Variants in C1orf52 observed in about 807,000 individuals in gnomAD.
C1orf52 encodes the protein UPF0690 protein C1orf52.
C1orf52 carries 5 observed loss-of-function variants against 17.2 expected under a neutral mutation model. That is an observed-to-expected ratio of 0.29 (90% CI 0.15 to 0.61). C1orf52 has a LOEUF of 0.61. C1orf52 is among the 20% of genes least tolerant of loss of function. C1orf52 has a pLI of 0.85. For synonymous variants in C1orf52, 110 were observed against 88.0 expected, an observed-to-expected ratio of 1.25 and a Z score of -1.40; for missense variants, 245 against 234.1, an observed-to-expected ratio of 1.05 and a Z score of -0.30.
chr1:85,256,678 A>G (rs138345420), intron 2 of C1orf52, among the ~76,000 whole-genome samples: 3,526 of 152,070 alleles, frequency 0.023, 104 homozygotes, highest in African/African-American at 0.071. Context: ...AGGCACCTGC[A>G]GTCCCAGCTG....
At chr1:85,258,394 A>T in intron 2 of C1orf52, 130 bp downstream of exon 2, 1 of 879,236 alleles carries the variant, frequency 1.1e-6, no homozygotes, top group Non-Finnish European at 1.8e-6. Context: ...GCAGAGCAGT[A>T]AGTATCCAAA....
At position 85,251,011 on chromosome 1, in the gene C1orf52, A is replaced by T. The variant is rs1178279976; in HGVS notation, c.*1618T>A. On this transcript the variant is annotated 3_prime_UTR_variant, in exon 3 of 3. Coordinates refer to ENST00000471115, the MANE Select transcript of C1orf52 (RefSeq NM_198077.4). Reference sequence around the variant, plus strand: ...AGAATTGGTTTTTCTAAACTCGATGATATACTGGAAGCCATCATGCTGTTA... The same window carrying T: ...AGAATTGGTTTTTCTAAACTCGATGTTATACTGGAAGCCATCATGCTGTTA... 5.3e-5 allele frequency: 8 copies of T among 152,198 alleles called. No individual in the cohort carries two copies. Among genetic ancestry groups the T allele is most frequent in the Non-Finnish European group, 1.0e-4 (7 of 68,042 alleles). 9.4% of individuals were successfully genotyped at this position (152,198 alleles called of 1,614,324 possible). A position where few individuals can be genotyped will look rare whatever the true frequency, so the allele number is the denominator to read the frequency against.
intron 2 of C1orf52, among the ~76,000 whole-genome samples, chr1:85,257,965 A>G (rs1425306152): frequency 2.6e-5 from 4 of 151,898 alleles, no homozygotes; most frequent in African/African-American, 9.7e-5. Context: ...AACAAAAAAA[A>G]CAAAACTAGC....
rs1659810761 is a variant in C1orf52, at chr1:85,251,944, C to A, written c.*685G>T. The A allele has an allele frequency of 6.6e-6, 1 of 152,136 alleles. No homozygotes were observed. The highest frequency in any genetic ancestry group is 2.4e-5 in the African/African-American group (1 of 41,414). 9.4% of individuals were successfully genotyped at this position (152,136 alleles called of 1,614,324 possible). A position where few individuals can be genotyped will look rare whatever the true frequency, so the allele number is the denominator to read the frequency against. On this transcript the variant is annotated 3_prime_UTR_variant, in exon 3 of 3. Coordinates refer to ENST00000471115, the MANE Select transcript of C1orf52 (RefSeq NM_198077.4). ...GGTTCAAGTGTCCCAAGTTAAATTC[C>A]AAATGAACCACTCACTAGCTGTGTA...
intron 2 of C1orf52, 61 bp downstream of exon 2, chr1:85,258,463 T>C: frequency 2.2e-6 from 3 of 1,376,988 alleles, no homozygotes; most frequent in Non-Finnish European, 3.0e-6. Flanking sequence ...AAATATCTCA[T>C]TCTTTTTAAG....
Position 85,251,752 on chromosome 1 carries a change from G to A in C1orf52, c.*877C>T, listed in dbSNP as rs1246464670. On this transcript the variant is annotated 3_prime_UTR_variant, in exon 3 of 3. Coordinates refer to ENST00000471115, the MANE Select transcript of C1orf52 (RefSeq NM_198077.4). ...AAAGAAATTAATGAATAACCATAAA[G>A]CACAGATGACAAGTACAGTCATCCA... 6.6e-6 allele frequency: 1 copy of A among 152,102 alleles called. No individual in the cohort carries two copies. The highest frequency in any genetic ancestry group is 1.5e-5 in the Non-Finnish European group (1 of 68,018). 9.4% of individuals were successfully genotyped at this position (152,102 alleles called of 1,614,324 possible).
At position 85,252,508 on chromosome 1, in the gene C1orf52, T is replaced by C. The variant is rs1363304712; in HGVS notation, c.*121A>G. On this transcript the variant is annotated 3_prime_UTR_variant, in exon 3 of 3. Transcript: ENST00000471115. ...TGGAAAGTTCTTGAGGCAATACTTA[T>C]TAGTTCATTAACGTATGCATTTTCA... 9.4e-6 allele frequency: 7 copies of C among 747,798 alleles called. No individual in the cohort carries two copies. The highest frequency in any genetic ancestry group is 1.7e-5 in the South Asian group (1 of 59,774). 46.3% of individuals were successfully genotyped at this position (747,798 alleles called of 1,614,324 possible). A position where few individuals can be genotyped will look rare whatever the true frequency, so the allele number is the denominator to read the frequency against.
intron 2 of C1orf52, among the ~76,000 whole-genome samples, chr1:85,253,994 C>G (rs1659864780): frequency 6.6e-6 from 1 of 152,110 alleles, no homozygotes; most frequent in Non-Finnish European, 1.5e-5. Flanking sequence ...ATGTGGAGAT[C>G]TATAAAATAT....
Position 85,259,425 on chromosome 1 carries a change from G to A in C1orf52, c.209C>T (p.Ala70Val). The change falls in exon 1 of 3, where the codon GCC becomes GTC. Residue 70 changes from alanine to valine, a missense_variant. Ala to Val is a moderately conservative substitution (Grantham distance 64). Coordinates refer to ENST00000471115, the MANE Select transcript of C1orf52 (RefSeq NM_198077.4). ...DELFRSVTRPAFLYNPLNKQI... is the reference protein window; with the variant it reads ...DELFRSVTRPVFLYNPLNKQI... The stretch of plus-strand genomic sequence containing the variant: ...TTTGTTGAGCGGATTGTAGAGAAAG[G>A]CCGGGCGAGTCACGCTCCTAAACAG... 6.2e-7 allele frequency: 1 copy of A among 1,614,030 alleles called. No homozygotes were observed. Among genetic ancestry groups the A allele is most frequent in the African/African-American group, 1.3e-5 (1 of 75,026 alleles).
At chr1:85,252,941 G>T (rs1659835618) in intron 2 of C1orf52, among the ~76,000 whole-genome samples, 2 of 151,774 alleles carry the variant, frequency 1.3e-5, no homozygotes, top group Admixed American at 1.3e-4. Context: ...AACTCTTTAG[G>T]TGCTATACTA....
intron 2 of C1orf52, chr1:85,257,498 G>A (rs766066005): frequency 5.6e-6 from 4 of 716,952 alleles, no homozygotes; most frequent in South Asian, 4.4e-5. Context: ...AAAAATGACT[G>A]TGGACAGGGA....
intron 1 of C1orf52, chr1:85,259,056 G>A: frequency 7.6e-7 from 1 of 1,323,908 alleles, no homozygotes; most frequent in South Asian, 1.7e-5. Context: ...GGGTCTCAGG[G>A]AGAAGCTGCA....
intron 2 of C1orf52, among the ~76,000 whole-genome samples, chr1:85,255,173 T>C (rs1307672414): frequency 6.6e-6 from 1 of 152,218 alleles, no homozygotes; most frequent in African/African-American, 2.4e-5. Context: ...ACTATATTAA[T>C]TATGCTTTTA....
In C1orf52 at chr1:85,252,666, T is replaced by C. The variant is rs761665371; in HGVS notation, c.512A>G (p.Lys171Arg). The C allele has an allele frequency of 2.5e-6, 4 of 1,613,528 alleles. No individual in the cohort carries two copies. Among genetic ancestry groups the C allele is most frequent in the East Asian group, 4.5e-5 (2 of 44,792 alleles). The change falls in exon 3 of 3, where the codon AAA (lysine) becomes AGA (arginine). Residue 171 changes from lysine to arginine, a missense_variant. By Grantham distance (26) the Lys-to-Arg change is conservative. Transcript: ENST00000471115. The stretch of plus-strand genomic sequence containing the variant: ...CTTTGCTGGTTCTCCTGGCTCTACT[T>C]TGCGCTTTTTAGAAGTATGCTCATC... ...EKDEHTSKKRKVEPGEPAKKK... is the reference protein window; with the variant it reads ...EKDEHTSKKRRVEPGEPAKKK...
chr1:85,254,784 T>C (rs1659889523), intron 2 of C1orf52, among the ~76,000 whole-genome samples: 1 of 152,250 alleles, frequency 6.6e-6, no homozygotes, highest in South Asian at 2.1e-4. Context: ...AAGTTTACTA[T>C]AATATTCACT....
intron 2 of C1orf52, among the ~76,000 whole-genome samples, chr1:85,255,933 T>C (rs577389801): frequency 6.6e-6 from 1 of 152,340 alleles, no homozygotes; most frequent in East Asian, 1.9e-4. Context: ...CTGCCACATA[T>C]TTGGAACTCC....
chr1:85,258,842 T>C, intron 1 of C1orf52, 120 bp from the exon 2 acceptor site: 4 of 1,418,272 alleles, frequency 2.8e-6, no homozygotes, highest in Non-Finnish European at 3.7e-6. Flanking sequence ...TTCTTTAAGG[T>C]TGAAAGACAC....
chr1:85,254,687 G>A (rs1476135963), intron 2 of C1orf52, among the ~76,000 whole-genome samples: 1 of 151,974 alleles, frequency 6.6e-6, no homozygotes, highest in Non-Finnish European at 1.5e-5. Flanking sequence ...CACCGCACCC[G>A]GCACCTTTTG....
intron 2 of C1orf52, among the ~76,000 whole-genome samples, chr1:85,255,308 T>C (rs909181076): frequency 2.0e-5 from 3 of 152,078 alleles, no homozygotes; most frequent in African/African-American, 4.8e-5. Context: ...TCCCAGCACT[T>C]TGGGAGGCTG....
Sources: allele counts gnomAD v4.1 joint callset (sites outside exome capture counted in the v4.1 genomes callset), GRCh38; gene constraint gnomAD v4.1.1; transcripts MANE v1.5; gene names NCBI Gene and HGNC (gene_info 2026-07-23, HGNC 2026-07-21).